The following PCDHGA9 variants were observed in gnomAD, a reference collection of about 807,000 sequenced individuals.
PCDHGA9 encodes the protein protocadherin gamma-A9.
Under a neutral mutation model 62.5 loss-of-function variants are expected in PCDHGA9, and 37 were observed. The ratio of observed to expected loss-of-function variants is 0.59; its 90% CI spans 0.46 to 0.78. PCDHGA9 has a LOEUF of 0.78. Among genes scored for constraint, PCDHGA9 ranks in the 30% least tolerant of loss-of-function variants. PCDHGA9 has a pLI of 0.00. For missense variants in PCDHGA9, 1,138 were observed against 1,166.2 expected (o/e 0.98, Z 0.35); for synonymous variants, 459 against 484.6 (o/e 0.95, Z 0.69).
chr5:141,491,126 G>A lies in PCDHGA9; in HGVS notation c.2425-3681G>A, dbSNP rs768294944. 1.4e-5 allele frequency: 23 copies of A among 1,613,978 alleles called. No individual in the cohort carries two copies. In the East Asian group the frequency reaches 3.1e-4, roughly 22 times the overall value. On this transcript the variant is annotated intron_variant, in intron 1 of 3. Transcript: ENST00000573521. This position sits in a 1 kb window ranked among gnomAD's most constrained non-coding sequence, Gnocchi z 6.9. ...GTGTCTACACACACTGGTGAGGTGCGCACAGCCCGGGCCTTACTGGAGGAT... is the reference window on the plus strand; with the variant it reads ...GTGTCTACACACACTGGTGAGGTGCACACAGCCCGGGCCTTACTGGAGGAT...
chr5:141,478,752 G>A (rs2099475483), intron 1 of PCDHGA9: 2 of 1,521,420 alleles, frequency 1.3e-6, no homozygotes, highest in South Asian at 1.3e-5. Context: ...CATTTCAGGG[G>A]GAAGATACTT....
intron 1 of PCDHGA9, among the ~76,000 whole-genome samples, chr5:141,483,276 TA>T (rs755290434): frequency 2.2e-4 from 33 of 152,238 alleles, no homozygotes; most frequent in Non-Finnish European, 3.8e-4. Context: ...TTAGAAATAT[TA>T]TTCTGTCAGT....
chr5:141,460,576 G>A (rs2098992216), intron 1 of PCDHGA9, among the ~76,000 whole-genome samples: 1 of 152,082 alleles, frequency 6.6e-6, no homozygotes, highest in Non-Finnish European at 1.5e-5. Flanking sequence ...ACATATGTAG[G>A]TGTGGGTTTT....
In PCDHGA9 at chr5:141,432,172, C is replaced by G. The variant is rs562175068; in HGVS notation, c.2424+26796C>G. On this transcript the variant is annotated intron_variant, in intron 1 of 3. Transcript: ENST00000573521. This position sits in a 1 kb window ranked among gnomAD's most constrained non-coding sequence, Gnocchi z 6.0. ...AGAACAATCCCAGAGGAGTTTCCCTCGTCTCTGTGACCGCCCACGACCCCG... is the reference window on the plus strand; with the variant it reads ...AGAACAATCCCAGAGGAGTTTCCCTGGTCTCTGTGACCGCCCACGACCCCG... 9 of 1,614,034 alleles carry G rather than the reference C, an allele frequency of 5.6e-6. No homozygotes were observed. The highest frequency in any genetic ancestry group is 7.6e-6 in the Non-Finnish European group (9 of 1,180,046).
At chr5:141,414,587 G>A (rs775783880) in intron 1 of PCDHGA9, 5 of 1,613,828 alleles carry the variant, frequency 3.1e-6, no homozygotes, top group Non-Finnish European at 8.5e-7. Context: ...AACAACGCCA[G>A]GGGTGCCTCC....
At chr5:141,460,924 A>ATATG (rs1561985817) in intron 1 of PCDHGA9, among the ~76,000 whole-genome samples, 10 of 150,588 alleles carry the variant, frequency 6.6e-5, no homozygotes, top group East Asian at 3.9e-4. Flanking sequence ...ATATATATAT[A>ATATG]TGTGTGTGTG....
At chr5:141,480,695 C>T (rs2099523656) in intron 1 of PCDHGA9, among the ~76,000 whole-genome samples, 2 of 152,146 alleles carry the variant, frequency 1.3e-5, no homozygotes, top group African/African-American at 4.8e-5. Context: ...GAAACCCAGG[C>T]CACACCCCGA....
At chr5:141,423,173 A>T (rs2096717258) in intron 1 of PCDHGA9, 1 of 1,613,330 alleles carries the variant, frequency 6.2e-7, no homozygotes, top group South Asian at 1.1e-5. Flanking sequence ...GCCGTCCAGG[A>T]CCACGGCCAG....
At position 141,487,033 on chromosome 5, in the gene PCDHGA9, A is replaced by C. The variant is rs1465525110; in HGVS notation, c.2425-7774A>C. ...AGGCCCCAGATCCCAGCCTGTTTGC[A>C]GTCTCTCGATATGCTGGGGAGGTGC... On this transcript the variant is annotated intron_variant, in intron 1 of 3. Transcript: ENST00000573521. This position sits in a 1 kb window ranked among gnomAD's most constrained non-coding sequence, Gnocchi z 5.0. 3 of 1,614,160 alleles carry C rather than the reference A, an allele frequency of 1.9e-6. No individual in the cohort carries two copies. Among genetic ancestry groups the C allele is most frequent in the Non-Finnish European group, 2.5e-6 (3 of 1,180,032 alleles).
At chr5:141,410,513 G>C in intron 1 of PCDHGA9, 1 of 1,613,954 alleles carries the variant, frequency 6.2e-7, no homozygotes, top group Non-Finnish European at 8.5e-7. Context: ...AAAATGCAGT[G>C]TGCCCCTACA....
chr5:141,478,461 T>C, intron 1 of PCDHGA9: 1 of 1,613,254 alleles, frequency 6.2e-7, no homozygotes, highest in East Asian at 2.2e-5. Flanking sequence ...GCCAGTCCAC[T>C]GGCCAGCCGC....
chr5:141,426,173 G>A (rs2096919271), intron 1 of PCDHGA9: 1 of 155,348 alleles, frequency 6.4e-6, no homozygotes, highest in African/African-American at 2.4e-5. Flanking sequence ...TACGGATTGG[G>A]GTGCCCTCAA....
intron 1 of PCDHGA9, chr5:141,423,517 T>G (rs750915364): frequency 1.9e-6 from 3 of 1,613,716 alleles, no homozygotes; most frequent in Non-Finnish European, 2.5e-6. Flanking sequence ...CATTGCGGAC[T>G]CGCAGAAGAG....
At chr5:141,466,716 T>A (rs2099127818) in intron 1 of PCDHGA9, among the ~76,000 whole-genome samples, 1 of 152,210 alleles carries the variant, frequency 6.6e-6, no homozygotes, top group South Asian at 2.1e-4. Flanking sequence ...TGTTCTTGTT[T>A]CCATTTTAGC....
At position 141,487,748 on chromosome 5, in the gene PCDHGA9, T is replaced by C. The variant is rs1458153935; in HGVS notation, c.2425-7059T>C. On this transcript the variant is annotated intron_variant, in intron 1 of 3. Coordinates refer to ENST00000573521, the MANE Select transcript of PCDHGA9 (RefSeq NM_018921.3). The surrounding 1 kb of genome is among the most constrained non-coding windows in gnomAD (Gnocchi z 5.0). ...TGTCACCATTTTTGTAAGAGGTAAC[T>C]ATGTGGTAGACGCTGTGCTTTGTAA... 1 of 1,557,436 alleles carries C rather than the reference T, an allele frequency of 6.4e-7. No individual in the cohort carries two copies. Among genetic ancestry groups the C allele is most frequent in the Non-Finnish European group, 8.7e-7 (1 of 1,149,514 alleles).
chr5:141,475,248 C>T (rs1400887912), intron 1 of PCDHGA9, among the ~76,000 whole-genome samples: 2 of 152,166 alleles, frequency 1.3e-5, no homozygotes, highest in African/African-American at 4.8e-5. Context: ...AGAGTGTGCT[C>T]TACAACTGAG....
intron 1 of PCDHGA9, chr5:141,427,712 C>A: frequency 9.5e-7 from 1 of 1,051,464 alleles, no homozygotes; most frequent in Non-Finnish European, 1.4e-6. Context: ...GCGCCTCTGA[C>A]CTGGACCTAG....
At chr5:141,488,146 A>G (rs1458115635) in intron 1 of PCDHGA9, among the ~76,000 whole-genome samples, 2 of 152,164 alleles carry the variant, frequency 1.3e-5, no homozygotes, top group South Asian at 4.1e-4. Context: ...AACTAAAGGA[A>G]TAGAGAGGCA....
intron 2 of PCDHGA9, among the ~76,000 whole-genome samples, chr5:141,498,945 G>C (rs1421135706): frequency 8.0e-6 from 1 of 125,434 alleles, no homozygotes; most frequent in Non-Finnish European, 1.6e-5. Context: ...AAGAAAGAAA[G>C]AAAAAGAGAG....
Sources: allele counts gnomAD v4.1 joint callset (sites outside exome capture counted in the v4.1 genomes callset), GRCh38; gene constraint gnomAD v4.1.1; non-coding constraint Gnocchi (gnomAD v3.1); transcripts MANE v1.5; gene names NCBI Gene and HGNC (gene_info 2026-07-23, HGNC 2026-07-21).